The following WDR72 variants were observed in gnomAD, a reference collection of about 807,000 sequenced individuals.
WDR72 encodes WD repeat domain 72.
WDR72 carries 120 observed loss-of-function variants against 124.2 expected under a neutral mutation model. The observed-to-expected ratio is 0.97, with a 90% CI of 0.83 to 1.12. WDR72 has a LOEUF of 1.12. Among genes scored for constraint, WDR72 ranks in the 50% most tolerant of loss-of-function variants. WDR72 has a pLI of 0.00. For missense variants in WDR72, 1,387 were observed against 1,278.8 expected (o/e 1.08, Z -1.29); for synonymous variants, 452 against 441.7 (o/e 1.02, Z -0.29).
intron 15 of WDR72, among the ~76,000 whole-genome samples, chr15:53,614,169 T>C (rs370473274): frequency 2.6e-5 from 4 of 152,078 alleles, no homozygotes; most frequent in East Asian, 3.9e-4. Flanking sequence ...AGGCAGGTTT[T>C]ACCCTAGGCC....
chr15:53,754,461 C>T (rs568011071), intron 1 of WDR72, among the ~76,000 whole-genome samples: 77 of 152,064 alleles, frequency 5.1e-4, no homozygotes, highest in African/African-American at 1.8e-3. Context: ...CTGGCCTCTG[C>T]TTATTCTAAG....
chr15:53,569,045 T>C (rs1894405074), intron 18 of WDR72, among the ~76,000 whole-genome samples: 3 of 151,030 alleles, frequency 2.0e-5, no homozygotes, highest in Admixed American at 1.3e-4. Context: ...TTAGGTGTGG[T>C]AGGGAGTTTA....
chr15:53,632,933 G>A (rs1180423749), intron 14 of WDR72, among the ~76,000 whole-genome samples: 3 of 152,206 alleles, frequency 2.0e-5, no homozygotes, highest in Admixed American at 6.5e-5. Context: ...GCTCATAGGT[G>A]AAAGGGAAGA....
intron 3 of WDR72, among the ~76,000 whole-genome samples, chr15:53,719,712 T>A (rs917892558): frequency 6.6e-6 from 1 of 152,188 alleles, no homozygotes; most frequent in African/African-American, 2.4e-5. Context: ...CTAGGAATGC[T>A]TTGGAAACGC....
chr15:53,762,582 A>T (rs541069135), upstream of WDR72: 2 of 152,320 alleles, frequency 1.3e-5, no homozygotes, highest in South Asian at 4.2e-4. Flanking sequence ...CTTTCCTTCT[A>T]AGTCTGCAGG....
intron 18 of WDR72, among the ~76,000 whole-genome samples, chr15:53,545,558 C>A (rs1173644235): frequency 1.3e-5 from 2 of 151,910 alleles, no homozygotes; most frequent in Non-Finnish European, 2.9e-5. Flanking sequence ...ACCATAAAAA[C>A]CCTAGAAGCA....
At chr15:53,699,990 T>C in intron 12 of WDR72, 45 bp from the exon 13 acceptor site, 1 of 1,611,062 alleles carries the variant, frequency 6.2e-7, no homozygotes, top group Non-Finnish European at 8.5e-7. Flanking sequence ...GTCAAATGCT[T>C]TCTTTATGAG....
At chr15:53,700,023 G>T in intron 12 of WDR72, 78 bp from the exon 13 acceptor site, 1 of 1,571,468 alleles carries the variant, frequency 6.4e-7, no homozygotes. Flanking sequence ...TTTTCTCCCA[G>T]TAACATAAAA....
chr15:53,517,494 T>C lies in WDR72; in HGVS notation c.*205A>G, dbSNP rs1332918353. ...CAATATTTTTCTAAAATTAGATGAA[T>C]ATGAATATTTTCAATCAGTATGTAT... On this transcript the variant is annotated 3_prime_UTR_variant, in exon 20 of 20. Coordinates refer to ENST00000360509, the MANE Select transcript of WDR72 (RefSeq NM_182758.4). 1.8e-6 allele frequency: 1 copy of C among 557,570 alleles called. No homozygotes were observed. The highest frequency in any genetic ancestry group is 3.2e-6 in the Non-Finnish European group (1 of 311,020). 34.5% of individuals were successfully genotyped at this position (557,570 alleles called of 1,614,324 possible).
At chr15:53,571,893 C>A (rs1026889024) in intron 18 of WDR72, among the ~76,000 whole-genome samples, 5 of 151,564 alleles carry the variant, frequency 3.3e-5, no homozygotes, top group African/African-American at 9.7e-5. Context: ...TATCTTTCAT[C>A]TTTTTATAAT....
chr15:53,557,855 A>AG (rs1339719842), intron 18 of WDR72, among the ~76,000 whole-genome samples: 1 of 152,090 alleles, frequency 6.6e-6, no homozygotes, highest in African/African-American at 2.4e-5. Context: ...TTAGAAAAAA[A>AG]CTAAAGCTCA....
intron 1 of WDR72, among the ~76,000 whole-genome samples, chr15:53,752,786 C>G (rs575713281): frequency 9.9e-5 from 15 of 152,282 alleles, no homozygotes; most frequent in Non-Finnish European, 1.6e-4. Flanking sequence ...AAATTTTAGT[C>G]TGAATCACAC....
At chr15:53,693,799 T>C (rs932638315) in intron 13 of WDR72, among the ~76,000 whole-genome samples, 1 of 152,226 alleles carries the variant, frequency 6.6e-6, no homozygotes, top group African/African-American at 2.4e-5. Flanking sequence ...CTTAATTTCT[T>C]ATGAATAGGT....
intron 13 of WDR72, among the ~76,000 whole-genome samples, chr15:53,684,969 A>G (rs1310222056): frequency 1.3e-5 from 2 of 152,310 alleles, no homozygotes; most frequent in East Asian, 3.9e-4. Flanking sequence ...CTCACAAGGC[A>G]AGGTATTCCA....
At chr15:53,689,659 G>A (rs970179080) in intron 13 of WDR72, among the ~76,000 whole-genome samples, 9 of 149,662 alleles carry the variant, frequency 6.0e-5, no homozygotes, top group Non-Finnish European at 8.9e-5. Flanking sequence ...TCAGTGTGGC[G>A]ATTCCTCAGG....
chr15:53,675,788 G>A (rs983732948), intron 13 of WDR72, among the ~76,000 whole-genome samples: 4 of 152,166 alleles, frequency 2.6e-5, no homozygotes, highest in African/African-American at 7.2e-5. Context: ...AAGAGGAAGA[G>A]TATTGGGAAA....
intron 18 of WDR72, among the ~76,000 whole-genome samples, chr15:53,578,833 T>C (rs963761048): frequency 6.6e-6 from 1 of 152,134 alleles, no homozygotes; most frequent in African/African-American, 2.4e-5. Flanking sequence ...CTTGGTAATT[T>C]GATAAAGACA....
At chr15:53,753,346 T>C (rs2140898840) in intron 1 of WDR72, among the ~76,000 whole-genome samples, 1 of 152,352 alleles carries the variant, frequency 6.6e-6, no homozygotes, top group East Asian at 1.9e-4. Flanking sequence ...ACGATTCTAG[T>C]GTTTTCTGAC....
chr15:53,668,384 T>C (rs1260828801), intron 13 of WDR72, among the ~76,000 whole-genome samples: 1 of 152,188 alleles, frequency 6.6e-6, no homozygotes, highest in African/African-American at 2.4e-5. Flanking sequence ...TTGTAATAAA[T>C]TCAGGATGGC....
Sources: gnomAD v4.1 joint callset for allele counts (sites outside exome capture counted in the v4.1 genomes callset) on GRCh38, gnomAD v4.1.1 for gene constraint, MANE v1.5 for transcripts, NCBI Gene and HGNC (gene_info 2026-07-23, HGNC 2026-07-21) for gene names.